DIAPH3: variants seen among roughly 807,000 people sequenced by gnomAD.
DIAPH3 encodes diaphanous related formin 3.
DIAPH3 carries 117 observed loss-of-function variants against 144.3 expected under a neutral mutation model. That is an observed-to-expected ratio of 0.81 (90% CI 0.70 to 0.95). The LOEUF (loss-of-function observed/expected upper bound fraction) is 0.95, where lower values mean the gene tolerates loss of function less well. DIAPH3 is among the 40% of genes least tolerant of loss of function. The probability of loss-of-function intolerance (pLI) is 0.00; values close to 1 mark genes in which losing one functional copy is unlikely to be tolerated. For synonymous variants in DIAPH3, 519 were observed against 488.9 expected, an observed-to-expected ratio of 1.06 and a Z score of -0.81; for missense variants, 1,421 against 1,412.7, an observed-to-expected ratio of 1.01 and a Z score of -0.09.
chr13:60,099,953 A>G (rs1298685379), intron 3 of DIAPH3, among the ~76,000 whole-genome samples: 1 of 151,344 alleles, frequency 6.6e-6, no homozygotes, highest in Non-Finnish European at 1.5e-5. Context: ...GGAAGGAAGG[A>G]AGGAAGGAAG....
Position 60,117,149 on chromosome 13 carries a change from T to C in DIAPH3, c.214-4963A>G, listed in dbSNP as rs900427083. On this transcript the variant is annotated intron_variant, in intron 2 of 27. Coordinates refer to ENST00000400324, the MANE Select transcript of DIAPH3 (RefSeq NM_001042517.2). ...AAGTAATAACGTTAATAATAAAATA[T>C]AATTATCACACCTACCCCATATGCT... is the stretch of plus-strand genomic sequence containing the variant. Among the ~76,000 whole-genome samples, 2 of 152,132 alleles carry C rather than the reference T, an allele frequency of 1.3e-5. 1 individual carries two copies. Among genetic ancestry groups the C allele is most frequent in the South Asian group, 4.1e-4 (2 of 4,828 alleles).
intron 14 of DIAPH3, among the ~76,000 whole-genome samples, chr13:59,974,741 C>T (rs1687691259): frequency 6.6e-6 from 1 of 151,974 alleles, no homozygotes; most frequent in Non-Finnish European, 1.5e-5. Context: ...GCAGCATTGG[C>T]ATTTTTCTTC....
chr13:60,026,306 C>T (rs1399896244), intron 5 of DIAPH3, among the ~76,000 whole-genome samples: 3 of 151,892 alleles, frequency 2.0e-5, no homozygotes, highest in East Asian at 1.9e-4. Context: ...GAAAACTAAG[C>T]GTAATGATTT....
intron 4 of DIAPH3, among the ~76,000 whole-genome samples, chr13:60,067,283 T>C (rs1195210151): frequency 1.3e-5 from 2 of 148,842 alleles, no homozygotes; most frequent in African/African-American, 2.5e-5. Context: ...AGACCCTATA[T>C]CAAAAAAAAA....
intron 20 of DIAPH3, among the ~76,000 whole-genome samples, chr13:59,898,279 G>A (rs2046244369): frequency 6.6e-6 from 1 of 152,048 alleles, no homozygotes; most frequent in African/African-American, 2.4e-5. Context: ...TGTGAGACAG[G>A]TTCTATATTC....
chr13:60,141,927 T>A (rs2059431998), intron 1 of DIAPH3, among the ~76,000 whole-genome samples: 1 of 152,170 alleles, frequency 6.6e-6, no homozygotes, highest in Non-Finnish European at 1.5e-5. Flanking sequence ...GAGTTGCCAG[T>A]GGGCTAAGGT....
Position 59,879,377 on chromosome 13 carries a change from A to T in DIAPH3, c.2459T>A (p.Ile820Asn). 1.2e-6 allele frequency: 2 copies of T among 1,613,898 alleles called. No homozygotes were observed. The highest frequency in any genetic ancestry group is 1.7e-6 in the Non-Finnish European group (2 of 1,179,872). Residue 820 changes from isoleucine (I) to asparagine (N), a missense_variant, in exon 21 of 28, where the codon ATC becomes AAC. Transcript: ENST00000400324. ...EEQVNNIKPD[I>N]MAVSTACEEI... ...TTCGCAGGCAGTACTGACAGCCATG[A>T]TGTCAGGTTTGATGTTGTTCACCTG...
rs1594765613 is a variant in DIAPH3, at chr13:60,140,191, T to A, written c.181-7202A>T. ...CTGAGACTGACAGAGCATCACCCAT[T>A]CTTTCACATATATTTGAGAAAGATT... On this transcript the variant is annotated intron_variant, in intron 1 of 27. Transcript: ENST00000400324. Among the ~76,000 whole-genome samples, 3 of 152,344 alleles carry A rather than the reference T, an allele frequency of 2.0e-5. No homozygotes were observed. In the East Asian group the frequency reaches 5.8e-4, roughly 29 times the overall value.
chr13:59,996,918 T>C (rs576019324), intron 9 of DIAPH3, among the ~76,000 whole-genome samples: 11 of 152,240 alleles, frequency 7.2e-5, no homozygotes, highest in African/African-American at 2.4e-4. Context: ...TGTGAATATA[T>C]AGTACCTAAA....
intron 25 of DIAPH3, among the ~76,000 whole-genome samples, chr13:59,797,510 C>T (rs1406634134): frequency 6.6e-6 from 1 of 152,124 alleles, no homozygotes; most frequent in East Asian, 1.9e-4. Flanking sequence ...ACACAGGAGC[C>T]TTGGGAATGT....
rs1236131544 is a variant in DIAPH3 at position 59,980,785 on chromosome 13, AACT to A, written c.1545+7_1545+9del. The A allele has an allele frequency of 4.4e-6, 7 of 1,605,628 alleles. No homozygotes were observed. The highest frequency in any genetic ancestry group is 4.5e-5 in the East Asian group (2 of 44,658). Reference sequence around the variant, plus strand: ...CACAGAATACTATAAAGTTAGTGAAAACTACTTACTTTCTTGTAAAGTTCTGAT... The same window carrying A: ...CACAGAATACTATAAAGTTAGTGAAAACTTACTTTCTTGTAAAGTTCTGAT... On this transcript the variant is annotated splice_region_variant and intron_variant, in intron 14 of 27. Transcript: ENST00000400324.
chr13:59,966,177 C>T (rs1027135905), intron 17 of DIAPH3, among the ~76,000 whole-genome samples: 1 of 151,898 alleles, frequency 6.6e-6, no homozygotes, highest in Non-Finnish European at 1.5e-5. Context: ...TATTCCTCTA[C>T]AGATATGGCA....
intron 24 of DIAPH3, among the ~76,000 whole-genome samples, chr13:59,814,740 G>T (rs1277644392): frequency 6.6e-6 from 1 of 152,124 alleles, no homozygotes; most frequent in African/African-American, 2.4e-5. Context: ...TATTTAGTCA[G>T]CTGGCAAATA....
At chr13:59,810,986 A>G in intron 24 of DIAPH3, 63 bp from the exon 25 acceptor site, 1 of 1,444,142 alleles carries the variant, frequency 6.9e-7, no homozygotes, top group Non-Finnish European at 9.5e-7. Flanking sequence ...ATGGAAAGTT[A>G]TCTATTTGAA....
intron 22 of DIAPH3, among the ~76,000 whole-genome samples, chr13:59,849,824 C>A (rs2042859800): frequency 7.7e-6 from 1 of 129,472 alleles, no homozygotes; most frequent in Non-Finnish European, 1.6e-5. Context: ...TCCATATGAA[C>A]TTTAAAGTAG....
chr13:59,871,143 T>G (rs942652804), intron 21 of DIAPH3, among the ~76,000 whole-genome samples: 1 of 150,044 alleles, frequency 6.7e-6, no homozygotes. Context: ...ATCTAAAACT[T>G]TGATATAATT....
In DIAPH3 at chr13:60,093,697, T is replaced by G; in HGVS notation, c.426A>C (p.Pro142=). Residue 142 remains proline, a synonymous_variant, in exon 4 of 28, where the codon CCA becomes CCC. Coordinates refer to ENST00000400324, the MANE Select transcript of DIAPH3 (RefSeq NM_001042517.2). ...DMNLNEDKKA[P]LREKDFSIKK... ...TGATACTGAAGTCCTTTTCCCGCAA[T>G]GGTGCCTTTTTATCTTCATTTAAAT... The G allele has an allele frequency of 6.2e-7, 1 of 1,612,854 alleles. No homozygotes were observed. The highest frequency in any genetic ancestry group is 8.5e-7 in the Non-Finnish European group (1 of 1,179,520).
At chr13:60,001,660 T>G (rs1229649009) in intron 9 of DIAPH3, among the ~76,000 whole-genome samples, 3 of 152,218 alleles carry the variant, frequency 2.0e-5, no homozygotes, top group Non-Finnish European at 4.4e-5. Flanking sequence ...ATTTATCTTA[T>G]GTGAAAGACA....
chr13:60,013,517 G>C (rs964717390), intron 7 of DIAPH3: 2 of 152,132 alleles, frequency 1.3e-5, no homozygotes, highest in African/African-American at 4.8e-5. Flanking sequence ...CTTTCAATTT[G>C]AATATACTAA....
Sources: allele counts gnomAD v4.1 joint callset (sites outside exome capture counted in the v4.1 genomes callset), GRCh38; gene constraint gnomAD v4.1.1; transcripts MANE v1.5; gene names NCBI Gene and HGNC (gene_info 2026-07-23, HGNC 2026-07-21).